Variants in MCU observed in about 807,000 individuals in gnomAD.
MCU encodes calcium uniporter protein, mitochondrial.
MCU carries 12 observed loss-of-function variants against 45.2 expected under a neutral mutation model. The observed-to-expected ratio is 0.27, with a 90% CI of 0.17 to 0.43. The LOEUF (loss-of-function observed/expected upper bound fraction) is 0.43. Among genes scored for constraint, MCU ranks in the 20% least tolerant of loss-of-function variants. The probability of loss-of-function intolerance (pLI) is 1.00; values close to 1 mark genes in which losing one functional copy is unlikely to be tolerated. For missense variants in MCU, 324 were observed against 436.7 expected, an observed-to-expected ratio of 0.74 and a Z score of 2.30; for synonymous variants, 160 against 165.1, an observed-to-expected ratio of 0.97 and a Z score of 0.24.
At chr10:72,692,970 G>A (rs1176326198) in intron 1 of MCU, 29 of 1,535,750 alleles carry the variant, frequency 1.9e-5, no homozygotes, top group Non-Finnish European at 2.5e-5. Flanking sequence ...GTCCTTAAAG[G>A]TGCTTTTGGG....
chr10:72,747,984 C>T (rs1190075706), intron 1 of MCU, among the ~76,000 whole-genome samples: 1 of 150,564 alleles, frequency 6.6e-6, no homozygotes, highest in Admixed American at 6.6e-5. Context: ...TTTCACTATT[C>T]AATATAAAAA....
chr10:72,816,941 A>T (rs1844636728), intron 1 of MCU, among the ~76,000 whole-genome samples: 2 of 152,246 alleles, frequency 1.3e-5, no homozygotes, highest in South Asian at 4.1e-4. Context: ...AGTGTTCTAC[A>T]GCAAACTTAA....
chr10:72,775,017 T>A (rs1399153668), intron 1 of MCU, among the ~76,000 whole-genome samples: 1 of 151,906 alleles, frequency 6.6e-6, no homozygotes, highest in Non-Finnish European at 1.5e-5. Context: ...TCAAGAAACA[T>A]CTGAGTTAAA....
chr10:72,715,012 T>G (rs949336994), intron 1 of MCU: 3 of 184,710 alleles, frequency 1.6e-5, no homozygotes, highest in Non-Finnish European at 3.1e-5. Context: ...TTTTCAGACT[T>G]TCTTTCTTCT....
chr10:72,838,815 A>G (rs1398019440), intron 2 of MCU, among the ~76,000 whole-genome samples: 2 of 152,158 alleles, frequency 1.3e-5, no homozygotes, highest in Non-Finnish European at 2.9e-5. Flanking sequence ...AACCCAAGTA[A>G]TAGATAATAT....
At chr10:72,735,696 T>A (rs1843243637) in intron 1 of MCU, among the ~76,000 whole-genome samples, 1 of 152,164 alleles carries the variant, frequency 6.6e-6, no homozygotes, top group African/African-American at 2.4e-5. Context: ...TGGGAGGTAA[T>A]CAGATCTATG....
At chr10:72,829,471 GA>G (rs1423678294) in intron 1 of MCU, among the ~76,000 whole-genome samples, 1 of 151,808 alleles carries the variant, frequency 6.6e-6, no homozygotes, top group Non-Finnish European at 1.5e-5. Context: ...ATCTGCCTAT[GA>G]AATTTAAATA....
rs186739035 is a variant in MCU, at chr10:72,711,051, C to T, written c.150+18750C>T. ...AAAATTAGCTGGGCATGGTGGTGGGCGCCTGTAATCCCAGCTACTTGGGAG... is the reference window on the plus strand; with the variant it reads ...AAAATTAGCTGGGCATGGTGGTGGGTGCCTGTAATCCCAGCTACTTGGGAG... On this transcript the variant is annotated intron_variant, in intron 1 of 7. Transcript: ENST00000373053. 7.1e-3 allele frequency among the ~76,000 whole-genome samples: 1,077 copies of T among 151,508 alleles called. 8 individuals carry two copies. Among genetic ancestry groups the T allele is most frequent in the Non-Finnish European group, 0.01 (687 of 67,858 alleles).
intron 1 of MCU, among the ~76,000 whole-genome samples, chr10:72,728,455 A>G (rs1843128229): frequency 6.6e-6 from 1 of 152,232 alleles, no homozygotes; most frequent in Non-Finnish European, 1.5e-5. Flanking sequence ...GAGTAGTCAG[A>G]GAAGATTTCT....
chr10:72,846,272 C>T (rs757672890), intron 2 of MCU, among the ~76,000 whole-genome samples: 1 of 152,072 alleles, frequency 6.6e-6, no homozygotes, highest in African/African-American at 2.4e-5. Context: ...CAAACTCCTG[C>T]CCTCAAGTGA....
intron 1 of MCU, among the ~76,000 whole-genome samples, chr10:72,741,714 G>A (rs545722429): frequency 4.9e-4 from 75 of 152,246 alleles, no homozygotes; most frequent in African/African-American, 1.8e-3. Context: ...ATCCTTTTCT[G>A]TGTATAGTCA....
At chr10:72,864,504 A>G (rs549164846) in intron 4 of MCU, among the ~76,000 whole-genome samples, 6 of 152,248 alleles carry the variant, frequency 3.9e-5, no homozygotes, top group Non-Finnish European at 8.8e-5. Flanking sequence ...TAAATACAGT[A>G]CAGCACTATA....
At chr10:72,817,626 G>T (rs1844647260) in intron 1 of MCU, among the ~76,000 whole-genome samples, 1 of 152,082 alleles carries the variant, frequency 6.6e-6, no homozygotes, top group Admixed American at 6.6e-5. Context: ...TTTTATTGTT[G>T]TTGTTGTTTT....
chr10:72,823,558 T>A (rs1292980952), intron 1 of MCU, among the ~76,000 whole-genome samples: 6 of 152,220 alleles, frequency 3.9e-5, no homozygotes, highest in African/African-American at 1.4e-4. Flanking sequence ...ATCTTCCCTT[T>A]TATACTGCAC....
At chr10:72,763,614 A>C (rs1481444074) in intron 1 of MCU, among the ~76,000 whole-genome samples, 1 of 152,196 alleles carries the variant, frequency 6.6e-6, no homozygotes, top group Non-Finnish European at 1.5e-5. Context: ...GGGACTTTGC[A>C]TACTGTGCTT....
intron 2 of MCU, among the ~76,000 whole-genome samples, chr10:72,839,483 G>A (rs140359345): frequency 1.3e-5 from 2 of 152,064 alleles, no homozygotes; most frequent in Non-Finnish European, 2.9e-5. Context: ...GTAGTCTTTC[G>A]CATCTAGCTT....
chr10:72,780,833 G>C (rs1843981545), intron 1 of MCU, among the ~76,000 whole-genome samples: 1 of 152,082 alleles, frequency 6.6e-6, no homozygotes. Flanking sequence ...ATTTGTGATA[G>C]TTAAATGAAG....
At chr10:72,859,621 A>G (rs1397654835) in intron 3 of MCU, among the ~76,000 whole-genome samples, 1 of 152,192 alleles carries the variant, frequency 6.6e-6, no homozygotes, top group Non-Finnish European at 1.5e-5. Context: ...AGGATGAACA[A>G]TCAATCACAT....
chr10:72,694,701 A>T (rs1842665185), intron 1 of MCU, among the ~76,000 whole-genome samples: 1 of 152,250 alleles, frequency 6.6e-6, no homozygotes. Context: ...GGAATGGATC[A>T]CAAGTCCAGT....
Sources: gnomAD v4.1 joint callset for allele counts (sites outside exome capture counted in the v4.1 genomes callset) on GRCh38, gnomAD v4.1.1 for gene constraint, MANE v1.5 for transcripts, NCBI Gene and HGNC (gene_info 2026-07-23, HGNC 2026-07-21) for gene names.